Variants in BRIP1 observed in about 807,000 individuals in gnomAD.
The protein encoded by BRIP1 is BRCA1 interacting DNA helicase 1.
Under a neutral mutation model 119.7 loss-of-function variants are expected in BRIP1, and 88 were observed. That is an observed-to-expected ratio of 0.74 (90% CI 0.62 to 0.88). BRIP1 has a LOEUF of 0.88. Among genes scored for constraint, BRIP1 ranks in the 40% least tolerant of loss-of-function variants. The pLI is 0.00. For synonymous variants in BRIP1, 443 were observed against 496.5 expected, an observed-to-expected ratio of 0.89 and a Z score of 1.43; for missense variants, 1,259 against 1,455.4, an observed-to-expected ratio of 0.87 and a Z score of 2.20.
rs764400672 is a variant in BRIP1 at position 61,752,840 on chromosome 17, A to ATGGG, written c.2098-8253_2098-8250dup. Reference sequence around the variant, plus strand: ...TAAAATGAGTAAGATATGGTGTTGGATGGGACATGACAGGGAAGGGAGAAA... The same window carrying ATGGG: ...TAAAATGAGTAAGATATGGTGTTGGATGGGTGGGACATGACAGGGAAGGGAGAAA... On this transcript the variant is annotated intron_variant, in intron 14 of 19. Transcript: ENST00000259008. The surrounding 1 kb of genome is among the most constrained non-coding windows in gnomAD (Gnocchi z 6.2). 3.3e-5 allele frequency among the ~76,000 whole-genome samples: 5 copies of ATGGG among 152,196 alleles called. No individual in the cohort carries two copies. The highest frequency in any genetic ancestry group is 7.3e-5 in the Non-Finnish European group (5 of 68,036).
Position 61,859,785 on chromosome 17 carries a change from C to A in BRIP1, c.205+11G>T, listed in dbSNP as rs2145849104. On this transcript the variant is annotated intron_variant, in intron 3 of 19. Coordinates refer to ENST00000259008, the MANE Select transcript of BRIP1 (RefSeq NM_032043.3). ...CAGTAAGTAACCTGAAGATATCAAG[C>A]AACTACTTACCACTAAGAGATTGTT... The A allele has an allele frequency of 6.4e-7, 1 of 1,562,194 alleles. No homozygotes were observed. The highest frequency in any genetic ancestry group is 8.8e-7 in the Non-Finnish European group (1 of 1,132,832).
chr17:61,825,066 G>A lies in BRIP1; in HGVS notation c.628-16309C>T, dbSNP rs532260005. Among the ~76,000 whole-genome samples, 7 of 151,986 alleles carry A rather than the reference G, an allele frequency of 4.6e-5. No individual in the cohort carries two copies. The highest frequency in any genetic ancestry group is 6.6e-5 in the Admixed American group (1 of 15,252). ...TTTGGGAGGCTGAGGCAGGCGGATCGCAAGGTCAGGAGATCGAGACCATCC... is the reference window on the plus strand; with the variant it reads ...TTTGGGAGGCTGAGGCAGGCGGATCACAAGGTCAGGAGATCGAGACCATCC... On this transcript the variant is annotated intron_variant, in intron 6 of 19. Coordinates refer to ENST00000259008, the MANE Select transcript of BRIP1 (RefSeq NM_032043.3). This position sits in a 1 kb window ranked among gnomAD's most constrained non-coding sequence, Gnocchi z 4.1.
intron 9 of BRIP1, among the ~76,000 whole-genome samples, chr17:61,797,345 T>C (rs2077916193): frequency 6.6e-6 from 1 of 151,982 alleles, no homozygotes; most frequent in Non-Finnish European, 1.5e-5. Flanking sequence ...ATCAGAGATG[T>C]CACAGAAGCT....
chr17:61,720,625 C>T lies in BRIP1; in HGVS notation c.2380-4562G>A, dbSNP rs2061957560. Reference sequence around the variant, plus strand: ...TCATGCTATATCCTGCTCCATCCCACTCAGATGTGAATCATCCCTTTGTCC... The same window carrying T: ...TCATGCTATATCCTGCTCCATCCCATTCAGATGTGAATCATCCCTTTGTCC... On this transcript the variant is annotated intron_variant, in intron 16 of 19. Coordinates refer to ENST00000259008, the MANE Select transcript of BRIP1 (RefSeq NM_032043.3). This position sits in a 1 kb window ranked among gnomAD's most constrained non-coding sequence, Gnocchi z 4.3. Among the ~76,000 whole-genome samples the T allele has an allele frequency of 6.6e-6, 1 of 152,172 alleles. No individual in the cohort carries two copies. The highest frequency in any genetic ancestry group is 1.5e-5 in the Non-Finnish European group (1 of 68,040).
chr17:61,784,137 TATA>T, intron 11 of BRIP1, 130 bp downstream of exon 11: 5 of 773,994 alleles, frequency 6.5e-6, no homozygotes, highest in Admixed American at 5.2e-5. Flanking sequence ...AGAGCAAATA[TATA>T]ATAATATCTA....
chr17:61,777,008 C>T (rs183833232), intron 13 of BRIP1, among the ~76,000 whole-genome samples: 5 of 152,128 alleles, frequency 3.3e-5, no homozygotes, highest in Non-Finnish European at 5.9e-5. Context: ...TTCATTGGTG[C>T]TCAAAGATCC....
intron 14 of BRIP1, among the ~76,000 whole-genome samples, chr17:61,765,329 CATACACAT>C (rs1268530829): frequency 8.4e-5 from 11 of 131,236 alleles, no homozygotes; most frequent in East Asian, 4.5e-4. Flanking sequence ...TAAACACACA[CATACACAT>C]ATACACATAC....
rs1461469515 is a variant in BRIP1, at chr17:61,759,170, A to C, written c.2098-14579T>G. Among the ~76,000 whole-genome samples the C allele has an allele frequency of 6.6e-6, 1 of 152,104 alleles. No homozygotes were observed. The highest frequency in any genetic ancestry group is 1.5e-5 in the Non-Finnish European group (1 of 68,010). ...GAGTAAGAAAAGAAGATCCAACTAT[A>C]TGCTGCCTACAAGAGATTTGCTTTT... On this transcript the variant is annotated intron_variant, in intron 14 of 19. Transcript: ENST00000259008. This position sits in a 1 kb window ranked among gnomAD's most constrained non-coding sequence, Gnocchi z 4.9.
intron 11 of BRIP1, among the ~76,000 whole-genome samples, chr17:61,784,059 G>A (rs1217263121): frequency 3.3e-5 from 5 of 152,176 alleles, no homozygotes; most frequent in Non-Finnish European, 7.3e-5. Context: ...TTCAGCCTGG[G>A]TGACAGAGAA....
At chr17:61,811,612 G>A (rs1567840781) in intron 6 of BRIP1, among the ~76,000 whole-genome samples, 2 of 151,726 alleles carry the variant, frequency 1.3e-5, no homozygotes, top group Admixed American at 6.6e-5. Flanking sequence ...TATTAAACAG[G>A]AATTATTTCT....
chr17:61,746,587 CAAAA>C lies in BRIP1; in HGVS notation c.2098-2000_2098-1997del, dbSNP rs56807447. Among the ~76,000 whole-genome samples, 1 of 151,072 alleles carries C rather than the reference CAAAA, an allele frequency of 6.6e-6. No individual in the cohort carries two copies. The highest frequency in any genetic ancestry group is 2.1e-4 in the South Asian group (1 of 4,790). ...CTAAGTCAAAAATTGTCACAAGAGA[CAAAA>C]AAAAAGGACATTATATAATGATAAA... On this transcript the variant is annotated intron_variant, in intron 14 of 19. Transcript: ENST00000259008. The surrounding 1 kb of genome is among the most constrained non-coding windows in gnomAD (Gnocchi z 4.9).
In BRIP1 at chr17:61,799,053, T is replaced by G. The variant is rs1305588805; in HGVS notation, c.1340+47A>C. 1 of 1,543,216 alleles carries G rather than the reference T, an allele frequency of 6.5e-7. No individual in the cohort carries two copies. The highest frequency in any genetic ancestry group is 9.0e-7 in the Non-Finnish European group (1 of 1,116,492). On this transcript the variant is annotated intron_variant, in intron 9 of 19. Coordinates refer to ENST00000259008, the MANE Select transcript of BRIP1 (RefSeq NM_032043.3). This position sits in a 1 kb window ranked among gnomAD's most constrained non-coding sequence, Gnocchi z 5.1. ...ATACTCTGGCATAATCAAACATATT[T>G]TTCATATAAAGGCAGCACAAATACA...
Position 61,780,838 on chromosome 17 carries a change from A to G in BRIP1, c.1794+2T>C. 2 of 1,614,008 alleles carry G rather than the reference A, an allele frequency of 1.2e-6. No homozygotes were observed. Among genetic ancestry groups the G allele is most frequent in the Non-Finnish European group, 1.7e-6 (2 of 1,179,846 alleles). On this transcript the variant is annotated splice_donor_variant, in intron 12 of 19. Transcript: ENST00000259008. LOFTEE classifies it high-confidence loss of function. This position sits in a 1 kb window ranked among gnomAD's most constrained non-coding sequence, Gnocchi z 5.4. ...AAATTTCCATTTACATGATGAGCTT[A>G]CCACAGCTGGATTTAAGCACCAAAA...
chr17:61,787,667 C>T (rs915035229), intron 10 of BRIP1, among the ~76,000 whole-genome samples: 1 of 151,484 alleles, frequency 6.6e-6, no homozygotes, highest in Non-Finnish European at 1.5e-5. Context: ...TTTTTTGAGA[C>T]AGAGTCTCGC....
At position 61,750,719 on chromosome 17, in the gene BRIP1, A is replaced by T. The variant is rs1031589617; in HGVS notation, c.2098-6128T>A. The stretch of plus-strand genomic sequence containing the variant: ...ATTTCTTGAATGATTAAAAAAAAAA[A>T]AAAGGCCCAAAGGACATGAAAAGAT... On this transcript the variant is annotated intron_variant, in intron 14 of 19. Coordinates refer to ENST00000259008, the MANE Select transcript of BRIP1 (RefSeq NM_032043.3). Among the ~76,000 whole-genome samples, 14 of 151,804 alleles carry T rather than the reference A, an allele frequency of 9.2e-5. 1 individual carries two copies. Among genetic ancestry groups the T allele is most frequent in the Admixed American group, 8.5e-4 (13 of 15,234 alleles).
intron 16 of BRIP1, among the ~76,000 whole-genome samples, chr17:61,716,490 A>G (rs1282210596): frequency 6.6e-6 from 1 of 152,016 alleles, no homozygotes; most frequent in Non-Finnish European, 1.5e-5. Context: ...TTTGCCCTTT[A>G]TAGAATTTCA....
Position 61,691,317 on chromosome 17 carries a change from A to G in BRIP1, c.2575+2113T>C, listed in dbSNP as rs530394903. ...AAAATAATAAAATACCTAGGAATAA[A>G]CAACTAAGGAGGCAAAAAACCTGTA... is the stretch of plus-strand genomic sequence containing the variant. On this transcript the variant is annotated intron_variant, in intron 18 of 19. Transcript: ENST00000259008. The surrounding 1 kb of genome is among the most constrained non-coding windows in gnomAD (Gnocchi z 5.0). Among the ~76,000 whole-genome samples the G allele has an allele frequency of 5.3e-5, 8 of 152,302 alleles. No homozygotes were observed. The South Asian group carries it at 1.7e-3, about 32-fold the overall frequency.
At position 61,827,396 on chromosome 17, in the gene BRIP1, C is replaced by T. The variant is rs566111115; in HGVS notation, c.628-18639G>A. Among the ~76,000 whole-genome samples, 3 of 152,106 alleles carry T rather than the reference C, an allele frequency of 2.0e-5. No homozygotes were observed. The South Asian group carries it at 6.2e-4, about 32-fold the overall frequency. Reference sequence around the variant, plus strand: ...ACACAAGTTTACCTATATAACAAACCTGAGCATGTACCCCTGAACTTAAAA... The same window carrying T: ...ACACAAGTTTACCTATATAACAAACTTGAGCATGTACCCCTGAACTTAAAA... On this transcript the variant is annotated intron_variant, in intron 6 of 19. Transcript: ENST00000259008. The surrounding 1 kb of genome is among the most constrained non-coding windows in gnomAD (Gnocchi z 5.8).
In BRIP1 at chr17:61,705,596, C is replaced by T. The variant is rs2061680334; in HGVS notation, c.2492+10355G>A. The stretch of plus-strand genomic sequence containing the variant: ...TTACTCCTTTTTTTCCTGTTTGCCT[C>T]ACATTTATTTAGCTCTTCTTTTTCT... On this transcript the variant is annotated intron_variant, in intron 17 of 19. Transcript: ENST00000259008. This position sits in a 1 kb window ranked among gnomAD's most constrained non-coding sequence, Gnocchi z 5.0. Among the ~76,000 whole-genome samples, 1 of 151,996 alleles carries T rather than the reference C, an allele frequency of 6.6e-6. No individual in the cohort carries two copies. Among genetic ancestry groups the T allele is most frequent in the African/African-American group, 2.4e-5 (1 of 41,388 alleles).
Sources: allele counts gnomAD v4.1 joint callset (sites outside exome capture counted in the v4.1 genomes callset), GRCh38; gene constraint gnomAD v4.1.1; non-coding constraint Gnocchi (gnomAD v3.1); transcripts MANE v1.5; gene names NCBI Gene and HGNC (gene_info 2026-07-23, HGNC 2026-07-21).